The following NUP188 variants were observed in gnomAD, a reference collection of about 807,000 sequenced individuals.
NUP188 encodes nucleoporin 188, also known as nucleoporin NUP188.
In NUP188, 97 loss-of-function variants were observed where a neutral mutation model predicts 223.0. That is an observed-to-expected ratio of 0.43 (90% CI 0.37 to 0.51). The LOEUF (loss-of-function observed/expected upper bound fraction) is 0.51, where lower values mean the gene tolerates loss of function less well. NUP188 is among the 20% of genes least tolerant of loss of function. The pLI is 0.00. For missense variants in NUP188, 1,947 were observed against 2,175.6 expected (o/e 0.89, Z 2.09); for synonymous variants, 869 against 828.0 (o/e 1.05, Z -0.85).
intron 3 of NUP188, among the ~76,000 whole-genome samples, chr9:128,953,075 T>A (rs1056924405): frequency 6.6e-6 from 1 of 152,228 alleles, no homozygotes; most frequent in African/African-American, 2.4e-5. Flanking sequence ...ATGACCTATG[T>A]GTGGGGATGA....
In NUP188 at chr9:128,958,839, T is replaced by C. The variant is rs752980788; in HGVS notation, c.410T>C (p.Leu137Pro). ...TATTATGAAGAAAGAACCTGTATTC[T>C]TCGTTGTGTCTTACACCTTCTCACT... Reference protein sequence around the residue: ...DYYYEERTCILRCVLHLLTYF... With the variant: ...DYYYEERTCIPRCVLHLLTYF... The change falls in exon 7 of 44, where the codon CTT becomes CCT. Residue 137 changes from leucine (L) to proline (P), a missense_variant. Physicochemically the swap from Leu to Pro is moderately conservative, Grantham distance 98 (BLOSUM62 -3). Coordinates refer to ENST00000372577, the MANE Select transcript of NUP188 (RefSeq NM_015354.3). 1 of 1,598,996 alleles carries C rather than the reference T, an allele frequency of 6.3e-7. No homozygotes were observed. The highest frequency in any genetic ancestry group is 8.5e-7 in the Non-Finnish European group (1 of 1,170,926).
Position 129,005,642 on chromosome 9 carries a change from C to A in NUP188, c.4738-3C>A, listed in dbSNP as rs375813233. On this transcript the variant is annotated splice_polypyrimidine_tract_variant and splice_region_variant and intron_variant, in intron 40 of 43. Coordinates refer to ENST00000372577, the MANE Select transcript of NUP188 (RefSeq NM_015354.3). The stretch of plus-strand genomic sequence containing the variant: ...CCTGGATGGCTCTTGTCTTTTCTCG[C>A]AGTCCCTGGACCTTGCTGAATACAA... 1 of 1,612,906 alleles carries A rather than the reference C, an allele frequency of 6.2e-7. No individual in the cohort carries two copies. The highest frequency in any genetic ancestry group is 8.5e-7 in the Non-Finnish European group (1 of 1,179,330).
At chr9:128,998,827 G>A (rs913364730) in intron 32 of NUP188, among the ~76,000 whole-genome samples, 5 of 149,846 alleles carry the variant, frequency 3.3e-5, no homozygotes, top group African/African-American at 1.2e-4. Flanking sequence ...CTTTTATGAG[G>A]TATTTTGTCT....
At chr9:129,001,779 G>A in intron 35 of NUP188, 50 bp downstream of exon 35, 1 of 1,602,658 alleles carries the variant, frequency 6.2e-7, no homozygotes, top group African/African-American at 1.3e-5. Flanking sequence ...TTGCCTGGGT[G>A]GGTTCTGACA....
chr9:128,999,728 G>T lies in NUP188; in HGVS notation c.3766G>T (p.Gly1256Cys), dbSNP rs780767087. ...CCAGACCCGCCACAGTCTGGCATTA[G>T]GCAGTGCCACAGAGGACAAGGACAG... ...FDQTRHSLALGSATEDKDSME... is the reference protein window; with the variant it reads ...FDQTRHSLALCSATEDKDSME... Residue 1256 changes from glycine (G) to cysteine (C), a missense_variant, in exon 34 of 44, where the codon GGC becomes TGC. Around this residue, in one of 3 missense-constraint regions of NUP188, gnomAD observed 905 missense variants for 990.6 expected, o/e 0.91. Coordinates refer to ENST00000372577, the MANE Select transcript of NUP188 (RefSeq NM_015354.3). 5.6e-6 allele frequency: 9 copies of T among 1,614,220 alleles called. No homozygotes were observed. Among genetic ancestry groups the T allele is most frequent in the Non-Finnish European group, 7.6e-6 (9 of 1,180,040 alleles).
rs1588272878 is a variant in NUP188 at position 128,963,804 on chromosome 9, C to A, written c.585+4670C>A. On this transcript the variant is annotated intron_variant, in intron 8 of 43. Coordinates refer to ENST00000372577, the MANE Select transcript of NUP188 (RefSeq NM_015354.3). ...TACAGGCATATGCCACCATGCCTGT[C>A]TTATTGTGGGTTTTTTTTTTTTTTA... Among the ~76,000 whole-genome samples, 6 of 148,226 alleles carry A rather than the reference C, an allele frequency of 4.0e-5. 1 individual carries two copies. The highest frequency in any genetic ancestry group is 4.0e-4 in the Admixed American group (6 of 14,904).
Position 128,999,798 on chromosome 9 carries a change from G to C in NUP188, c.3836G>C (p.Arg1279Pro). 6.2e-7 allele frequency: 1 copy of C among 1,614,156 alleles called. No homozygotes were observed. Among genetic ancestry groups the C allele is most frequent in the Non-Finnish European group, 8.5e-7 (1 of 1,180,016 alleles). Residue 1279 changes from arginine to proline, a missense_variant, in exon 34 of 44, where the codon CGT becomes CCT. By Grantham distance (103) the Arg-to-Pro change is moderately radical (BLOSUM62 -2). Transcript: ENST00000372577. The part of the protein sequence containing the change: ...DCSRSRHRDQ[R>P]DGVCVLGLHL... ...TCTCGGTCCCGGCACAGGGACCAGC[G>C]TGATGGGGTGAGACAGTGCCCTAGA...
At chr9:128,989,142 C>G (rs1842380163) in intron 24 of NUP188, among the ~76,000 whole-genome samples, 1 of 151,898 alleles carries the variant, frequency 6.6e-6, no homozygotes, top group African/African-American at 2.4e-5. Context: ...GTCTGTAATC[C>G]CAGCACTTTG....
In NUP188 at chr9:129,003,927, C is replaced by T. The variant is rs555783282; in HGVS notation, c.4434+473C>T. 2.0e-4 allele frequency: 53 copies of T among 261,296 alleles called. 1 individual carries two copies. Among genetic ancestry groups the T allele is most frequent in the Middle Eastern group, 2.7e-3 (2 of 746 alleles). The allele number at this position is 261,296 out of a possible 1,614,324, so 16.2% of individuals were successfully genotyped here. A position where few individuals can be genotyped will look rare whatever the true frequency, so the allele number is the denominator to read the frequency against. On this transcript the variant is annotated intron_variant, in intron 38 of 43. Transcript: ENST00000372577. ...GGCGGAGGTTGCAGTGAGCTAGGATCGAACCATTACACTCCAGCCTGGGTG... is the reference window on the plus strand; with the variant it reads ...GGCGGAGGTTGCAGTGAGCTAGGATTGAACCATTACACTCCAGCCTGGGTG...
Position 129,006,338 on chromosome 9 carries a change from G to A in NUP188, c.5043G>A (p.Gln1681=), listed in dbSNP as rs766874849. ...RDPAVHPRDK[Q]RMKQELSSEL... is the part of the protein sequence containing the mutation. ...CGGCTGTGCACCCCCGGGACAAACA[G>A]CGGATGAAGCAGGAGCTCAGCTCTG... Residue 1681 remains glutamine (Q), a synonymous_variant, in exon 43 of 44, where the codon CAG becomes CAA. Coordinates refer to ENST00000372577, the MANE Select transcript of NUP188 (RefSeq NM_015354.3). The A allele has an allele frequency of 1.2e-6, 2 of 1,614,226 alleles. No homozygotes were observed. Among genetic ancestry groups the A allele is most frequent in the South Asian group, 1.1e-5 (1 of 91,084 alleles).
At chr9:129,006,407 GGCCAGAGCCCT>G (rs1233299362) in intron 43 of NUP188, 39 bp downstream of exon 43, 3 of 1,613,906 alleles carry the variant, frequency 1.9e-6, no homozygotes, top group East Asian at 2.2e-5. Context: ...GGACCAATAG[GGCCAGAGCCCT>G]GTGGGGTCCT....
chr9:128,998,517 T>G (rs1842571288), intron 31 of NUP188, 21 bp from the exon 32 acceptor site: 1 of 1,606,592 alleles, frequency 6.2e-7, no homozygotes, highest in South Asian at 1.1e-5. Context: ...GACTTCTGAC[T>G]GGTGTGCTGT....
chr9:128,988,147 A>G lies in NUP188; in HGVS notation c.2494A>G (p.Asn832Asp), dbSNP rs868123196. 3.1e-6 allele frequency: 5 copies of G among 1,614,114 alleles called. No homozygotes were observed. The highest frequency in any genetic ancestry group is 4.2e-6 in the Non-Finnish European group (5 of 1,179,992). The stretch of plus-strand genomic sequence containing the variant: ...TGTTATTCGGCTGAAACCTCCTTCT[A>G]ATGTGGTGTCCCCCCTGGAACAGGC... ...NNVIRLKPPS[N>D]VVSPLEQALS... Residue 832 changes from asparagine to aspartate, a missense_variant, in exon 24 of 44, where the codon AAT becomes GAT. Physicochemically the swap from Asn to Asp is conservative, Grantham distance 23. Coordinates refer to ENST00000372577, the MANE Select transcript of NUP188 (RefSeq NM_015354.3).
At chr9:128,950,415 T>A (rs1037699564) in intron 2 of NUP188, among the ~76,000 whole-genome samples, 1 of 152,110 alleles carries the variant, frequency 6.6e-6, no homozygotes, top group Non-Finnish European at 1.5e-5. Context: ...GAGATGGGGT[T>A]TCACCATGTT....
Position 128,964,536 on chromosome 9 carries a change from A to AT in NUP188, c.586-3953dup, listed in dbSNP as rs61518157. On this transcript the variant is annotated intron_variant, in intron 8 of 43. Coordinates refer to ENST00000372577, the MANE Select transcript of NUP188 (RefSeq NM_015354.3). ...ACCACCATACCTGGCTAATTTTTGT[A>AT]TTTTTTTTTTTTTTTTTGTAGAGAT... Among the ~76,000 whole-genome samples the AT allele has an allele frequency of 2.1e-3, 254 of 122,862 alleles. 1 individual carries two copies. Among genetic ancestry groups the AT allele is most frequent in the Middle Eastern group, 0.013 (3 of 240 alleles). The allele number at this position is 122,862 out of a possible 152,430, so 80.6% of individuals were successfully genotyped here. A position where few individuals can be genotyped will look rare whatever the true frequency, so the allele number is the denominator to read the frequency against.
intron 8 of NUP188, among the ~76,000 whole-genome samples, chr9:128,967,025 T>A (rs941588057): frequency 4.6e-5 from 7 of 152,182 alleles, no homozygotes; most frequent in African/African-American, 1.7e-4. Flanking sequence ...TGTGTGTGTG[T>A]GTGACAGAGT....
intron 25 of NUP188, among the ~76,000 whole-genome samples, chr9:128,992,338 G>A (rs908926865): frequency 6.6e-5 from 10 of 152,100 alleles, no homozygotes; most frequent in Non-Finnish European, 1.2e-4. Flanking sequence ...GATTACAGGC[G>A]CCCACTACAA....
Position 128,986,871 on chromosome 9 carries a change from A to G in NUP188, c.2260A>G (p.Ser754Gly), listed in dbSNP as rs977155608. The G allele has an allele frequency of 6.2e-7, 1 of 1,613,168 alleles. No individual in the cohort carries two copies. The highest frequency in any genetic ancestry group is 8.5e-7 in the Non-Finnish European group (1 of 1,179,294). Residue 754 changes from serine to glycine, a missense_variant, in exon 22 of 44, where the codon AGC becomes GGC. By Grantham distance (56) the Ser-to-Gly change is moderately conservative (BLOSUM62 0). Coordinates refer to ENST00000372577, the MANE Select transcript of NUP188 (RefSeq NM_015354.3). Reference protein sequence around the residue: ...LNLCHETDLHSSHTPSLQFLC... With the variant: ...LNLCHETDLHGSHTPSLQFLC... Reference sequence around the variant, plus strand: ...CCTGTGCCACGAGACAGACCTGCACAGCAGGTAATGAAGGGTTGATTACTA... The same window carrying G: ...CCTGTGCCACGAGACAGACCTGCACGGCAGGTAATGAAGGGTTGATTACTA...
At chr9:128,950,267 G>A (rs1841763619) in intron 2 of NUP188, among the ~76,000 whole-genome samples, 2 of 151,660 alleles carry the variant, frequency 1.3e-5, no homozygotes, top group Non-Finnish European at 2.9e-5. Flanking sequence ...TCTCGCCCAG[G>A]TTGGAGTGCA....
Sources: gnomAD v4.1 joint callset for allele counts (sites outside exome capture counted in the v4.1 genomes callset) on GRCh38, gnomAD v4.1.1 for gene constraint, gnomAD v4.1.1 regional missense constraint, MANE v1.5 for transcripts, NCBI Gene and HGNC (gene_info 2026-07-23, HGNC 2026-07-21) for gene names.